FER1L6: variants seen among roughly 807,000 people sequenced by gnomAD.
The protein encoded by FER1L6 is fer-1 like family member 6, also known as fer-1-like protein 6.
A neutral mutation model predicts 219.2 loss-of-function variants in FER1L6; 177 were observed. The observed-to-expected ratio is 0.81, with a 90% CI of 0.71 to 0.91. The LOEUF is 0.91. Among genes scored for constraint, FER1L6 ranks in the 40% least tolerant of loss-of-function variants. The pLI, the probability that FER1L6 is intolerant of heterozygous loss-of-function variation, is 0.00. For missense variants in FER1L6, 2,153 were observed against 2,259.9 expected (o/e 0.95, Z 0.96); for synonymous variants, 768 against 824.3 (o/e 0.93, Z 1.17).
At chr8:124,094,867 T>A (rs758038948) in intron 34 of FER1L6, 29 bp from the exon 35 acceptor site, 1 of 1,613,106 alleles carries the variant, frequency 6.2e-7, no homozygotes, top group South Asian at 1.1e-5. Flanking sequence ...GGAACACACA[T>A]CTGACAAGTT....
chr8:123,890,836 A>G (rs1405804137), intron 1 of FER1L6, among the ~76,000 whole-genome samples: 1 of 148,186 alleles, frequency 6.7e-6, no homozygotes, highest in African/African-American at 2.5e-5. Flanking sequence ...TATATTATTA[A>G]TTTTGTTATT....
At chr8:124,119,191 T>C (rs935749102) in intron 40 of FER1L6, among the ~76,000 whole-genome samples, 3 of 152,088 alleles carry the variant, frequency 2.0e-5, no homozygotes, top group Non-Finnish European at 4.4e-5. Flanking sequence ...ATTCATAAAA[T>C]AGTTGTCAGA....
chr8:124,077,892 A>G (rs759691530), intron 32 of FER1L6, among the ~76,000 whole-genome samples: 1 of 152,186 alleles, frequency 6.6e-6, no homozygotes, highest in Non-Finnish European at 1.5e-5. Context: ...CTTGTGCTTG[A>G]GCCAGGGTCT....
intron 15 of FER1L6, 117 bp from the exon 16 acceptor site, chr8:124,017,511 G>T: frequency 2.8e-6 from 2 of 720,980 alleles, no homozygotes; most frequent in Admixed American, 2.8e-5. Flanking sequence ...AAAAATATTG[G>T]TTTTATGGCT....
chr8:123,919,436 C>T (rs1813293082), intron 1 of FER1L6, among the ~76,000 whole-genome samples: 1 of 152,180 alleles, frequency 6.6e-6, no homozygotes, highest in Non-Finnish European at 1.5e-5. Context: ...GAGCAGCAGG[C>T]CCTGTACTTG....
chr8:123,974,659 C>CAAAAAA (rs994690186), intron 7 of FER1L6, among the ~76,000 whole-genome samples: 2,250 of 47,496 alleles, frequency 0.047, 166 homozygotes, highest in Non-Finnish European at 0.07. Context: ...GACTCTGTCT[C>CAAAAAA]AAAAAAAAAA....
intron 1 of FER1L6, among the ~76,000 whole-genome samples, chr8:123,938,842 C>A (rs1350214628): frequency 6.6e-6 from 1 of 152,062 alleles, no homozygotes; most frequent in African/African-American, 2.4e-5. Flanking sequence ...GCCATGGCGC[C>A]CAGCCTTTAC....
chr8:124,103,003 T>C, intron 38 of FER1L6, 143 bp from the exon 39 acceptor site: 1 of 772,380 alleles, frequency 1.3e-6, no homozygotes, highest in South Asian at 1.8e-5. Context: ...TCCCAATACC[T>C]AGCACATAGT....
At chr8:124,103,448 A>G in intron 39 of FER1L6, 139 bp downstream of exon 39, 2 of 771,700 alleles carry the variant, frequency 2.6e-6, no homozygotes, top group Non-Finnish European at 2.0e-6. Context: ...GCTAAGAAGC[A>G]AGAATTTTTA....
chr8:123,862,921 A>C (rs1816770668), intron 1 of FER1L6, among the ~76,000 whole-genome samples: 1 of 146,348 alleles, frequency 6.8e-6, no homozygotes. Flanking sequence ...TGATCCTTTC[A>C]AAAAACCAGC....
Position 124,064,550 on chromosome 8 carries a change from C to A in FER1L6, c.3532C>A (p.Pro1178Thr). ...TGAACACACACCTGTAGCCCAGGAGCCACCAAAAGATGGAAAACCTAAGGT... is the reference window on the plus strand; with the variant it reads ...TGAACACACACCTGTAGCCCAGGAGACACCAAAAGATGGAAAACCTAAGGT... ...EPEHTPVAQE[P>T]PKDGKPKDPR... Residue 1178 changes from proline (P) to threonine (T), a missense_variant, in exon 26 of 41, where the codon CCA becomes ACA. Pro to Thr is a conservative substitution (Grantham distance 38). Coordinates refer to ENST00000522917, the MANE Select transcript of FER1L6 (RefSeq NM_001039112.2). 6.2e-7 allele frequency: 1 copy of A among 1,609,556 alleles called. No homozygotes were observed. Among genetic ancestry groups the A allele is most frequent in the Non-Finnish European group, 8.5e-7 (1 of 1,178,936 alleles).
intron 34 of FER1L6, among the ~76,000 whole-genome samples, chr8:124,092,505 C>T (rs540978031): frequency 1.3e-5 from 2 of 152,244 alleles, no homozygotes; most frequent in Non-Finnish European, 2.9e-5. Context: ...TCCACATGAA[C>T]ATCCTGGGAC....
At chr8:124,098,286 G>A (rs1245729911) in intron 37 of FER1L6, among the ~76,000 whole-genome samples, 1 of 152,134 alleles carries the variant, frequency 6.6e-6, no homozygotes, top group African/African-American at 2.4e-5. Flanking sequence ...TGGTGGTATT[G>A]ATTAAAAACA....
Position 124,082,555 on chromosome 8 carries a change from G to A in FER1L6, c.4391+97G>A, listed in dbSNP as rs546770714. On this transcript the variant is annotated intron_variant, in intron 33 of 40. Transcript: ENST00000522917. ...ATCCCAGTTGTCCATCTCTAGGAAGGCCAGACCAGGCTCAGCTTTAACGTC... is the reference window on the plus strand; with the variant it reads ...ATCCCAGTTGTCCATCTCTAGGAAGACCAGACCAGGCTCAGCTTTAACGTC... The A allele has an allele frequency of 8.0e-6, 9 of 1,128,238 alleles. No individual in the cohort carries two copies. The African/African-American group carries it at 1.1e-4, about 14-fold the overall frequency. 69.9% of individuals were successfully genotyped at this position (1,128,238 alleles called of 1,614,324 possible). A position where few individuals can be genotyped will look rare whatever the true frequency, so the allele number is the denominator to read the frequency against.
chr8:124,104,388 A>G (rs887426190), intron 39 of FER1L6, among the ~76,000 whole-genome samples: 2 of 152,324 alleles, frequency 1.3e-5, no homozygotes, highest in African/African-American at 4.8e-5. Flanking sequence ...TCAACATCCA[A>G]TCATGCGTGG....
chr8:124,089,177 A>ACAGCTGGGATGGACAATTTGCCTGTAG (rs1426792980), intron 33 of FER1L6, among the ~76,000 whole-genome samples: 1 of 152,210 alleles, frequency 6.6e-6, no homozygotes, highest in African/African-American at 2.4e-5. Flanking sequence ...TCAGGTTCCA[A>ACAGCTGGGATGGACAATTTGCCTGTAG]CAGCTGGGAT....
At chr8:123,967,631 G>A (rs1352734728) in intron 5 of FER1L6, among the ~76,000 whole-genome samples, 1 of 152,166 alleles carries the variant, frequency 6.6e-6, no homozygotes, top group Non-Finnish European at 1.5e-5. Flanking sequence ...TTGACACAAT[G>A]AATTATTTCA....
chr8:123,925,610 C>T (rs919079000), intron 1 of FER1L6: 1 of 152,188 alleles, frequency 6.6e-6, no homozygotes, highest in Non-Finnish European at 1.5e-5. Context: ...CAGGAGGCAA[C>T]ATTCAAAAAC....
Position 123,852,552 on chromosome 8 carries a change from T to C in FER1L6, c.-8+367T>C, listed in dbSNP as rs1816532454. ...AGGGAGGAGAAAGAAGAGAGACTGG[T>C]AAAATTTTGGGGGATTATAGAGACA... On this transcript the variant is annotated intron_variant, in intron 1 of 40. Coordinates refer to ENST00000522917, the MANE Select transcript of FER1L6 (RefSeq NM_001039112.2). This position sits in a 1 kb window ranked among gnomAD's most constrained non-coding sequence, Gnocchi z 4.9. 6.6e-6 allele frequency among the ~76,000 whole-genome samples: 1 copy of C among 151,546 alleles called. No individual in the cohort carries two copies. The highest frequency in any genetic ancestry group is 1.5e-5 in the Non-Finnish European group (1 of 67,928).
Sources: allele counts gnomAD v4.1 joint callset (sites outside exome capture counted in the v4.1 genomes callset), GRCh38; gene constraint gnomAD v4.1.1; non-coding constraint Gnocchi (gnomAD v3.1); transcripts MANE v1.5; gene names NCBI Gene and HGNC (gene_info 2026-07-23, HGNC 2026-07-21).